Variants in ASH1L observed in about 807,000 individuals in gnomAD.
ASH1L encodes histone-lysine N-methyltransferase ASH1L.
ASH1L carries 23 observed loss-of-function variants against 269.0 expected under a neutral mutation model. The observed-to-expected ratio is 0.09, with a 90% CI of 0.06 to 0.12. The LOEUF is 0.12. Among genes scored for constraint, ASH1L ranks in the 10% least tolerant of loss-of-function variants. The probability of loss-of-function intolerance (pLI) is 1.00; values close to 1 mark genes in which losing one functional copy is unlikely to be tolerated. For missense variants in ASH1L, 2,912 were observed against 3,567.8 expected (o/e 0.82, Z 4.68); for synonymous variants, 1,187 against 1,253.5 (o/e 0.95, Z 1.12).
intron 2 of ASH1L, among the ~76,000 whole-genome samples, chr1:155,489,602 C>CA (rs1666605427): frequency 6.6e-6 from 1 of 151,126 alleles, no homozygotes; most frequent in African/African-American, 2.4e-5. Flanking sequence ...ACGAAAAATA[C>CA]AAAAAATTAG....
chr1:155,475,051 T>C (rs1665430188), intron 3 of ASH1L, among the ~76,000 whole-genome samples: 1 of 152,354 alleles, frequency 6.6e-6, no homozygotes, highest in South Asian at 2.1e-4. Flanking sequence ...ACTCTCTCTG[T>C]ATTTCCTCTT....
intron 4 of ASH1L, among the ~76,000 whole-genome samples, chr1:155,439,926 A>C (rs1246836750): frequency 6.6e-6 from 1 of 151,172 alleles, no homozygotes; most frequent in Non-Finnish European, 1.5e-5. Flanking sequence ...TCTTCAAATA[A>C]TATCCAATAG....
chr1:155,365,221 T>C (rs1464070926), intron 12 of ASH1L, among the ~76,000 whole-genome samples: 1 of 152,110 alleles, frequency 6.6e-6, no homozygotes, highest in African/African-American at 2.4e-5. Context: ...TTGTTTTTTT[T>C]TGAGATGGAG....
intron 4 of ASH1L, chr1:155,440,415 G>A (rs895896756): frequency 5.4e-6 from 1 of 184,872 alleles, no homozygotes; most frequent in Non-Finnish European, 1.0e-5. Context: ...AATATCCTTT[G>A]ATTAACTTTC....
intron 7 of ASH1L, among the ~76,000 whole-genome samples, chr1:155,392,967 T>G (rs1658063207): frequency 6.6e-6 from 1 of 151,950 alleles, no homozygotes; most frequent in Non-Finnish European, 1.5e-5. Context: ...GGATTACAAG[T>G]GTGAGCCACC....
chr1:155,502,071 C>CT (rs769262562), intron 2 of ASH1L, among the ~76,000 whole-genome samples: 4,007 of 126,374 alleles, frequency 0.032, 173 homozygotes, highest in African/African-American at 0.092. Context: ...CTTTTCTTTT[C>CT]TTTTTTTTTT....
In ASH1L at chr1:155,433,306, T is replaced by A. The variant is rs544565537; in HGVS notation, c.5828+5021A>T. On this transcript the variant is annotated intron_variant, in intron 5 of 27. Coordinates refer to ENST00000392403, the MANE Select transcript of ASH1L (RefSeq NM_018489.3). Reference sequence around the variant, plus strand: ...CCTGGCTAAGCTTCCAAGGCCCTCCTGGAGGGCCAGGAATCGGGCCGGGAG... The same window carrying A: ...CCTGGCTAAGCTTCCAAGGCCCTCCAGGAGGGCCAGGAATCGGGCCGGGAG... 53 of 1,578,962 alleles carry A rather than the reference T, an allele frequency of 3.4e-5. No individual in the cohort carries two copies. The South Asian group carries it at 5.6e-4, about 17-fold the overall frequency.
intron 8 of ASH1L, 57 bp downstream of exon 8, chr1:155,379,986 C>CA: frequency 7.9e-7 from 1 of 1,272,378 alleles, no homozygotes; most frequent in South Asian, 1.2e-5. Flanking sequence ...ACTTGCATTT[C>CA]CACCCCTCCC....
At chr1:155,350,182 G>A (rs1449526784) in intron 17 of ASH1L, among the ~76,000 whole-genome samples, 2 of 151,928 alleles carry the variant, frequency 1.3e-5, no homozygotes, top group Non-Finnish European at 2.9e-5. Context: ...CACCGTGTCC[G>A]GCCAATTTTT....
In ASH1L at chr1:155,438,524, C is replaced by A; in HGVS notation, c.5631G>T (p.Leu1877Phe). 2 of 1,613,134 alleles carry A rather than the reference C, an allele frequency of 1.2e-6. No homozygotes were observed. The highest frequency in any genetic ancestry group is 2.2e-5 in the South Asian group (2 of 90,844). The change falls in exon 5 of 28, where the codon TTG becomes TTT. Residue 1877 changes from leucine (L) to phenylalanine (F), a missense_variant. Coordinates refer to ENST00000392403, the MANE Select transcript of ASH1L (RefSeq NM_018489.3). Reference protein sequence around the residue: ...FQAAQFVNPELNRDEEGAALH... With the variant: ...FQAAQFVNPEFNRDEEGAALH... ...GTGCTGCTCCTTCCTCGTCTCTGTT[C>A]AATTCTGGGTTGACAAACTGAGCAG...
intron 2 of ASH1L, among the ~76,000 whole-genome samples, chr1:155,507,707 A>G (rs1182283816): frequency 6.6e-6 from 1 of 152,154 alleles, no homozygotes; most frequent in Admixed American, 6.5e-5. Context: ...CACTGTCTCT[A>G]TAAAAAATAA....
In ASH1L at chr1:155,479,780, G is replaced by A. The variant is rs1475349632; in HGVS notation, c.3090C>T (p.Gly1030=). ...NTVSSLAATF[G]SKLGQQINVS... ...CATTTATCTGTTGGCCCAATTTAGAGCCAAATGTGGCAGCAAGACTTGATA... is the reference window on the plus strand; with the variant it reads ...CATTTATCTGTTGGCCCAATTTAGAACCAAATGTGGCAGCAAGACTTGATA... The change falls in exon 3 of 28, where the codon GGC becomes GGT. Residue 1030 remains glycine (G), a synonymous_variant. Transcript: ENST00000392403. 3 of 1,614,006 alleles carry A rather than the reference G, an allele frequency of 1.9e-6. No individual in the cohort carries two copies. The highest frequency in any genetic ancestry group is 2.5e-6 in the Non-Finnish European group (3 of 1,180,014).
chr1:155,364,607 T>A (rs555407804), intron 12 of ASH1L, among the ~76,000 whole-genome samples: 1 of 152,248 alleles, frequency 6.6e-6, no homozygotes, highest in East Asian at 1.9e-4. Context: ...CACTTTGATA[T>A]TCTTTTTTAA....
intron 4 of ASH1L, among the ~76,000 whole-genome samples, chr1:155,452,596 GC>G (rs1663569388): frequency 1.4e-5 from 2 of 142,554 alleles, no homozygotes; most frequent in African/African-American, 5.2e-5. Flanking sequence ...TTGCTCTGTT[GC>G]CCAGGCTGGA....
chr1:155,505,956 T>C (rs1212387916), intron 2 of ASH1L, among the ~76,000 whole-genome samples: 1 of 152,162 alleles, frequency 6.6e-6, no homozygotes. Flanking sequence ...GTCATTTACA[T>C]TAGGTATATC....
chr1:155,459,037 C>A, intron 4 of ASH1L, among the ~76,000 whole-genome samples: 1 of 143,904 alleles, frequency 6.9e-6, no homozygotes. Context: ...ATAAATTATA[C>A]AAATATGTTG....
At chr1:155,440,651 T>C (rs1662476120) in intron 4 of ASH1L, 3 of 315,202 alleles carry the variant, frequency 9.5e-6, no homozygotes, top group Middle Eastern at 1.6e-3. Context: ...TTAAATGCTA[T>C]AGTTTTTAAA....
intron 17 of ASH1L, among the ~76,000 whole-genome samples, chr1:155,350,328 C>T (rs1284904724): frequency 1.3e-5 from 2 of 152,086 alleles, no homozygotes; most frequent in African/African-American, 4.8e-5. Context: ...GGCCAAAAAT[C>T]CAAGTCTTTT....
chr1:155,496,067 T>C (rs1232733032), intron 2 of ASH1L, among the ~76,000 whole-genome samples: 4 of 152,202 alleles, frequency 2.6e-5, no homozygotes, highest in Admixed American at 2.0e-4. Context: ...TATTACCTTT[T>C]ACATTTTTTT....
Sources: gnomAD v4.1 joint callset for allele counts (sites outside exome capture counted in the v4.1 genomes callset) on GRCh38, gnomAD v4.1.1 for gene constraint, MANE v1.5 for transcripts, NCBI Gene and HGNC (gene_info 2026-07-23, HGNC 2026-07-21) for gene names.